The following DSCAML1 variants were observed in gnomAD, a reference collection of about 807,000 sequenced individuals.
DSCAML1 encodes the protein DS cell adhesion molecule like 1, also known as cell adhesion molecule DSCAML1.
Under a neutral mutation model 200.5 loss-of-function variants are expected in DSCAML1, and 38 were observed. The observed-to-expected ratio is 0.19, with a 90% CI of 0.15 to 0.25. The LOEUF is 0.25. Ranked by LOEUF, DSCAML1 falls within the 10% of genes least tolerant of loss-of-function variation. DSCAML1 has a pLI of 1.00. For missense variants in DSCAML1, 2,223 were observed against 2,858.8 expected (o/e 0.78, Z 5.07); for synonymous variants, 1,215 against 1,165.0 (o/e 1.04, Z -0.87).
intron 1 of DSCAML1, among the ~76,000 whole-genome samples, chr11:117,784,116 G>C (rs1340036353): frequency 6.6e-6 from 1 of 152,210 alleles, no homozygotes; most frequent in African/African-American, 2.4e-5. Flanking sequence ...TATAGCAAAA[G>C]GCAAGAAGCC....
chr11:117,746,915 T>A (rs956125658), intron 3 of DSCAML1, among the ~76,000 whole-genome samples: 2 of 152,168 alleles, frequency 1.3e-5, no homozygotes, highest in Non-Finnish European at 2.9e-5. Flanking sequence ...TGGACATGCC[T>A]CCAACACAGC....
chr11:117,467,763 GCA>G (rs1022491977), intron 16 of DSCAML1, among the ~76,000 whole-genome samples: 1 of 151,944 alleles, frequency 6.6e-6, no homozygotes, highest in African/African-American at 2.4e-5. Flanking sequence ...GTATGTCTAT[GCA>G]CACACACATA....
chr11:117,701,895 C>A (rs746542918), intron 3 of DSCAML1, among the ~76,000 whole-genome samples: 2 of 152,204 alleles, frequency 1.3e-5, no homozygotes, highest in African/African-American at 4.8e-5. Context: ...GGCAGATGTA[C>A]GTGGGGCACA....
intron 3 of DSCAML1, among the ~76,000 whole-genome samples, chr11:117,598,248 C>G (rs2051400280): frequency 6.6e-6 from 1 of 152,196 alleles, no homozygotes; most frequent in South Asian, 2.1e-4. Context: ...AAGGGGATTA[C>G]TTTTTGTTAT....
At chr11:117,638,507 A>G (rs1192083953) in intron 3 of DSCAML1, among the ~76,000 whole-genome samples, 7 of 152,092 alleles carry the variant, frequency 4.6e-5, no homozygotes, top group Admixed American at 1.3e-4. Flanking sequence ...ATCATCCCCA[A>G]AAGAAATCCC....
intron 3 of DSCAML1, among the ~76,000 whole-genome samples, chr11:117,666,916 G>A (rs1006404293): frequency 6.6e-6 from 1 of 152,146 alleles, no homozygotes; most frequent in Non-Finnish European, 1.5e-5. Context: ...GGTAATTACT[G>A]TCCGAATCCA....
chr11:117,551,212 C>T (rs2050461490), intron 3 of DSCAML1, among the ~76,000 whole-genome samples: 1 of 152,156 alleles, frequency 6.6e-6, no homozygotes, highest in South Asian at 2.1e-4. Flanking sequence ...TTGGTGCAAA[C>T]AAAAAGTTTG....
intron 19 of DSCAML1, among the ~76,000 whole-genome samples, chr11:117,453,081 C>A (rs2048310033): frequency 1.3e-5 from 2 of 151,834 alleles, no homozygotes; most frequent in Admixed American, 1.3e-4. Context: ...ACTATGGGCG[C>A]CCACCATGAT....
intron 3 of DSCAML1, among the ~76,000 whole-genome samples, chr11:117,697,903 C>A (rs891694691): frequency 3.3e-5 from 5 of 151,950 alleles, no homozygotes; most frequent in Non-Finnish European, 7.4e-5. Flanking sequence ...TCCTGAGTAG[C>A]TGGGACTACA....
At chr11:117,810,599 T>C (rs931149784) in intron 1 of DSCAML1, among the ~76,000 whole-genome samples, 8 of 152,098 alleles carry the variant, frequency 5.3e-5, no homozygotes, top group South Asian at 2.1e-4. Context: ...TTAGCCTGTA[T>C]CCTTAAGAAC....
At chr11:117,431,316 G>A (rs1482763716) in intron 31 of DSCAML1, among the ~76,000 whole-genome samples, 1 of 152,192 alleles carries the variant, frequency 6.6e-6, no homozygotes. Context: ...GACAGTTTTT[G>A]GGAAAGCAAA....
At position 117,797,159 on chromosome 11, in the gene DSCAML1, TC is replaced by T; in HGVS notation, c.-81del. 6.3e-7 allele frequency: 1 copy of T among 1,586,368 alleles called. No homozygotes were observed. On this transcript the variant is annotated 5_prime_UTR_variant, in exon 1 of 33. Transcript: ENST00000651296. ...AGCGCCTCTCCCCCGCTCAGCGCGC[TC>T]CCAGCCGCCCGCACTCGGCGCCCCG...
chr11:117,523,288 GAA>G lies in DSCAML1; in HGVS notation c.937+1515_937+1516del, dbSNP rs539423602. 1.9e-3 allele frequency among the ~76,000 whole-genome samples: 292 copies of G among 152,256 alleles called. 1 individual carries two copies. The highest frequency in any genetic ancestry group is 5.4e-3 in the African/African-American group (224 of 41,548). ...TGACCTATTTGGAGAGAAAGAGAGAGAAAGAGAGAGAGTGTAGAGCAGGAGGG... is the reference window on the plus strand; with the variant it reads ...TGACCTATTTGGAGAGAAAGAGAGAGAGAGAGAGAGTGTAGAGCAGGAGGG... On this transcript the variant is annotated intron_variant, in intron 5 of 32. Transcript: ENST00000651296.
At chr11:117,496,864 G>T (rs2049298297) in intron 11 of DSCAML1, among the ~76,000 whole-genome samples, 1 of 152,210 alleles carries the variant, frequency 6.6e-6, no homozygotes, top group Admixed American at 6.5e-5. Context: ...GATGGAGATT[G>T]TTCCACATGG....
At chr11:117,485,332 C>T (rs1415646927) in intron 11 of DSCAML1, among the ~76,000 whole-genome samples, 1 of 152,206 alleles carries the variant, frequency 6.6e-6, no homozygotes, top group African/African-American at 2.4e-5. Context: ...AACAACCATA[C>T]CTGGAGCCTG....
At chr11:117,645,093 C>A (rs567763915) in intron 3 of DSCAML1, among the ~76,000 whole-genome samples, 1 of 152,340 alleles carries the variant, frequency 6.6e-6, no homozygotes, top group South Asian at 2.1e-4. Flanking sequence ...AGAGCCCCCA[C>A]AGTGGTGGTT....
At chr11:117,700,014 T>C (rs2053641513) in intron 3 of DSCAML1, among the ~76,000 whole-genome samples, 7 of 152,012 alleles carry the variant, frequency 4.6e-5, no homozygotes, top group Admixed American at 4.6e-4. Context: ...GTATTCAGTT[T>C]TGGGTGGGCA....
rs768250826 is a variant in DSCAML1, at chr11:117,521,269, G to A, written c.1074C>T (p.Asp358=). Residue 358 remains aspartate (D), a synonymous_variant, in exon 6 of 33, where the codon GAC becomes GAT. Transcript: ENST00000651296. ...WYRNTELVLP[D]EAISIRGLSN... is the part of the protein sequence containing the mutation. ...TGAGCCCGCGGATGGAGATGGCCTC[G>A]TCAGGCAGCACCAGCTCCGTGTTGC... 7 of 1,614,046 alleles carry A rather than the reference G, an allele frequency of 4.3e-6. No individual in the cohort carries two copies. The Admixed American group carries it at 5.0e-5, about 12-fold the overall frequency.
At chr11:117,796,016 G>C (rs1322449734) in intron 1 of DSCAML1, among the ~76,000 whole-genome samples, 1 of 152,226 alleles carries the variant, frequency 6.6e-6, no homozygotes, top group African/African-American at 2.4e-5. Flanking sequence ...CGCGGAGTTC[G>C]GCCGCCTCAT....
Sources: gnomAD v4.1 joint callset for allele counts (sites outside exome capture counted in the v4.1 genomes callset) on GRCh38, gnomAD v4.1.1 for gene constraint, MANE v1.5 for transcripts, NCBI Gene and HGNC (gene_info 2026-07-23, HGNC 2026-07-21) for gene names.